MST1R: variants seen among roughly 807,000 people sequenced by gnomAD.
The protein encoded by MST1R is macrophage stimulating 1 receptor.
Under a neutral mutation model 117.8 loss-of-function variants are expected in MST1R, and 99 were observed. That is an observed-to-expected ratio of 0.84 (90% CI 0.71 to 0.99). The LOEUF is 0.99. Among genes scored for constraint, MST1R ranks in the 50% least tolerant of loss-of-function variants. MST1R has a pLI of 0.00. For missense variants in MST1R, 1,683 were observed against 1,840.2 expected (o/e 0.91, Z 1.56); for synonymous variants, 734 against 765.3 (o/e 0.96, Z 0.68).
rs760954798 is a variant in MST1R at position 49,895,169 on chromosome 3, T to C, written c.3269A>G (p.Lys1090Arg). Residue 1090 changes from lysine (K) to arginine (R), a missense_variant and splice_region_variant, in exon 14 of 20, where the codon AAA becomes AGA. Transcript: ENST00000296474. Reference sequence around the variant, plus strand: ...CCAGCCCCACCTGGCCCCCACACCTTTGCCAATGACTCGGTCACTGTGGGT... The same window carrying C: ...CCAGCCCCACCTGGCCCCCACACCTCTGCCAATGACTCGGTCACTGTGGGT... Reference protein sequence around the residue: ...VVTHSDRVIGKGHFGVVYHGE... With the variant: ...VVTHSDRVIGRGHFGVVYHGE... 5.6e-6 allele frequency: 9 copies of C among 1,613,878 alleles called. No individual in the cohort carries two copies. Among genetic ancestry groups the C allele is most frequent in the Non-Finnish European group, 6.8e-6 (8 of 1,179,996 alleles).
At chr3:49,898,833 C>A in intron 3 of MST1R, 34 bp downstream of exon 3, 1 of 1,613,254 alleles carries the variant, frequency 6.2e-7, no homozygotes, top group South Asian at 1.1e-5. Context: ...GATCCCACAA[C>A]CCTGGCCCCA....
chr3:49,891,221 C>T lies in MST1R; in HGVS notation c.3620G>A (p.Arg1207Lys), dbSNP rs1171764730. Residue 1207 changes from arginine (R) to lysine (K), a missense_variant, in exon 17 of 20, where the codon AGG (arginine) becomes AAG (lysine). Transcript: ENST00000296474. ...CATGCAGTTCCGCGCAGCCAGGTCC[C>T]TGTGCACAAACTTCTGCTCTGCCAG... ...EYLAEQKFVH[R>K]DLAARNCMLD... 1 of 1,614,074 alleles carries T rather than the reference C, an allele frequency of 6.2e-7. No homozygotes were observed. The highest frequency in any genetic ancestry group is 1.1e-5 in the South Asian group (1 of 91,082).
At position 49,903,685 on chromosome 3, in the gene MST1R, A is replaced by G; in HGVS notation, c.-76T>C. ...GGGCGTGGGCCTGGCTGGGGGCCCG[A>G]CTCGAGGTCTGGACTGGGCCAAATT... On this transcript the variant is annotated 5_prime_UTR_variant, in exon 1 of 20. Transcript: ENST00000296474. 1 of 1,501,638 alleles carries G rather than the reference A, an allele frequency of 6.7e-7. No homozygotes were observed. The highest frequency in any genetic ancestry group is 1.3e-5 in the South Asian group (1 of 75,190). 93.0% of individuals were successfully genotyped at this position (1,501,638 alleles called of 1,614,324 possible). A position where few individuals can be genotyped will look rare whatever the true frequency, so the allele number is the denominator to read the frequency against.
chr3:49,901,256 C>G (rs754563175), intron 1 of MST1R, among the ~76,000 whole-genome samples: 3 of 152,206 alleles, frequency 2.0e-5, no homozygotes, highest in Non-Finnish European at 4.4e-5. Flanking sequence ...CTCCCATCTC[C>G]GAGGCATCAA....
At chr3:49,895,623 C>T in intron 12 of MST1R, 75 bp from the exon 13 acceptor site, 1 of 1,604,416 alleles carries the variant, frequency 6.2e-7, no homozygotes. Flanking sequence ...GGACTTAGAT[C>T]CCTAAGTCCT....
Position 49,897,894 on chromosome 3 carries a change from A to G in MST1R, c.1880+157T>C. On this transcript the variant is annotated intron_variant, in intron 5 of 19. Transcript: ENST00000296474. ...AGGAAGGGCACATGAAAGCTCAAAA[A>G]GGGACAGAGACCTTTTTGACTCTCA... 6.8e-6 allele frequency: 8 copies of G among 1,172,466 alleles called. No individual in the cohort carries two copies. In the South Asian group the frequency reaches 1.0e-4, roughly 15 times the overall value. The allele number at this position is 1,172,466 out of a possible 1,614,324, so 72.6% of individuals were successfully genotyped here.
intron 17 of MST1R, 132 bp downstream of exon 17, chr3:49,891,048 AGTCCAAGTCTGCACTGG>A (rs2082299899): frequency 2.8e-6 from 2 of 714,882 alleles, no homozygotes; most frequent in Non-Finnish European, 4.6e-6. Context: ...CACAGTGTCC[AGTCCAAGTCTGCACTGG>A]GCAGACAAAA....
Position 49,903,459 on chromosome 3 carries a change from C to G in MST1R, c.151G>C (p.Ala51Pro). ...DVKYVVPSFS[A>P]GGLVQAMVTY... ...ACCATGGCCTGTACCAGGCCTCCGG[C>G]GGAGAAGCTGGGCACCACGTACTTC... The change falls in exon 1 of 20, where the codon GCC becomes CCC. Residue 51 changes from alanine to proline, a missense_variant. Physicochemically the swap from Ala to Pro is conservative, Grantham distance 27 (BLOSUM62 -1). Transcript: ENST00000296474. The G allele has an allele frequency of 6.2e-7, 1 of 1,613,284 alleles. No homozygotes were observed. Among genetic ancestry groups the G allele is most frequent in the Non-Finnish European group, 8.5e-7 (1 of 1,179,994 alleles).
Position 49,887,221 on chromosome 3 carries a change from G to A in MST1R, c.*86C>T. 6.4e-7 allele frequency: 1 copy of A among 1,552,030 alleles called. No homozygotes were observed. Among genetic ancestry groups the A allele is most frequent in the Non-Finnish European group, 8.7e-7 (1 of 1,144,150 alleles). On this transcript the variant is annotated 3_prime_UTR_variant, in exon 20 of 20. Transcript: ENST00000296474. ...AGTTAAAGGGCAGGAACAAGGTGGA[G>A]GGCCACTGCCCTCTGGCCTGGCATG...
At position 49,895,893 on chromosome 3, in the gene MST1R, G is replaced by A. The variant is rs775132506; in HGVS notation, c.2797-13C>T. 2 of 1,587,250 alleles carry A rather than the reference G, an allele frequency of 1.3e-6. No homozygotes were observed. The highest frequency in any genetic ancestry group is 1.7e-5 in the Admixed American group (1 of 57,886). On this transcript the variant is annotated splice_polypyrimidine_tract_variant and intron_variant, in intron 11 of 19. Transcript: ENST00000296474. ...CATCTACGCAGACCTGGGGGCAGGT[G>A]GCAACTCAGGCCCAGCCTGTAGGCC...
In MST1R at chr3:49,896,841, C is replaced by A; in HGVS notation, c.2233G>T (p.Ala745Ser). ...LCATPPGATV[A>S]SVPLSLQVGG... ...ACCTGCAGGCTAAGGGGGACACTGG[C>A]CACCGTGGCCCCAGGGGGTGTGGCA... Residue 745 changes from alanine (A) to serine (S), a missense_variant, in exon 8 of 20, where the codon GCC becomes TCC. Transcript: ENST00000296474. 2 of 1,553,036 alleles carry A rather than the reference C, an allele frequency of 1.3e-6. No homozygotes were observed. Among genetic ancestry groups the A allele is most frequent in the Non-Finnish European group, 1.7e-6 (2 of 1,147,706 alleles).
chr3:49,890,157 A>T (rs1392659197), intron 18 of MST1R, 97 bp from the exon 19 acceptor site: 13 of 1,441,816 alleles, frequency 9.0e-6, no homozygotes, highest in Non-Finnish European at 1.0e-5. Flanking sequence ...TTCAGCTGGA[A>T]ATGGAAGACC....
At position 49,903,625 on chromosome 3, in the gene MST1R, C is replaced by T; in HGVS notation, c.-16G>A. 2 of 1,547,606 alleles carry T rather than the reference C, an allele frequency of 1.3e-6. No individual in the cohort carries two copies. The highest frequency in any genetic ancestry group is 1.7e-4 in the Middle Eastern group (1 of 5,798). ...GGAGCTCCATCGAGGCGAGCTGGGA[C>T]CCTAGAGGATCCCTACCGGCCTGGG... On this transcript the variant is annotated 5_prime_UTR_variant, in exon 1 of 20. Coordinates refer to ENST00000296474, the MANE Select transcript of MST1R (RefSeq NM_002447.4).
At position 49,902,626 on chromosome 3, in the gene MST1R, T is replaced by A. The variant is rs1559484317; in HGVS notation, c.984A>T (p.Pro328=). The A allele has an allele frequency of 1.2e-6, 2 of 1,613,496 alleles. No homozygotes were observed. The highest frequency in any genetic ancestry group is 3.3e-5 in the Admixed American group (2 of 60,032). The change falls in exon 1 of 20, where the codon CCA becomes CCT. Residue 328 remains proline, a synonymous_variant. Coordinates refer to ENST00000296474, the MANE Select transcript of MST1R (RefSeq NM_002447.4). ...YPVLRVAHSA[P]VGAQLATELS... ...GCTCAGTGGCAAGTTGGGCACCCACTGGAGCGGAGTGGGCCACCCGCAGCA... is the reference window on the plus strand; with the variant it reads ...GCTCAGTGGCAAGTTGGGCACCCACAGGAGCGGAGTGGGCCACCCGCAGCA...
chr3:49,903,195 G>A lies in MST1R; in HGVS notation c.415C>T (p.Leu139=), dbSNP rs1490969481. The change falls in exon 1 of 20, where the codon CTG becomes TTG. Residue 139 remains leucine, a synonymous_variant. Transcript: ENST00000296474. ...LPALVSCGSS[L]QGRCFLHDLE... Reference sequence around the variant, plus strand: ...TCATGCAGGAAGCAGCGGCCCTGCAGGCTGGAGCCACAACTGACCAGCGCA... The same window carrying A: ...TCATGCAGGAAGCAGCGGCCCTGCAAGCTGGAGCCACAACTGACCAGCGCA... 1 of 1,605,912 alleles carries A rather than the reference G, an allele frequency of 6.2e-7. No individual in the cohort carries two copies. Among genetic ancestry groups the A allele is most frequent in the South Asian group, 1.1e-5 (1 of 91,084 alleles).
In MST1R at chr3:49,902,540, C is replaced by T. The variant is rs781540107; in HGVS notation, c.1070G>A (p.Gly357Asp). Residue 357 changes from glycine (G) to aspartate (D), a missense_variant, in exon 1 of 20, where the codon GGT becomes GAT. Transcript: ENST00000296474. ...GACAGAGTTGGGGCCCACGCCAGGA[C>T]CACCATCCTTGCCAGTCACAAAGAC... Reference protein sequence around the residue: ...FGVFVTGKDGGPGVGPNSVVC... With the variant: ...FGVFVTGKDGDPGVGPNSVVC... 3 of 1,614,074 alleles carry T rather than the reference C, an allele frequency of 1.9e-6. No individual in the cohort carries two copies. The South Asian group carries it at 3.3e-5, about 18-fold the overall frequency.
rs1378426487 is a variant in MST1R, at chr3:49,898,803, G to T, written c.1548+64C>A. 1.9e-6 allele frequency: 3 copies of T among 1,609,698 alleles called. No individual in the cohort carries two copies. The African/African-American group carries it at 4.0e-5, about 22-fold the overall frequency. On this transcript the variant is annotated intron_variant, in intron 3 of 19. Coordinates refer to ENST00000296474, the MANE Select transcript of MST1R (RefSeq NM_002447.4). ...AGGGCCTGTATGTCAATGCCTCCCT[G>T]GATTGGATGGAGAGTCTGTGATCCC... is the stretch of plus-strand genomic sequence containing the variant.
chr3:49,896,521 C>G lies in MST1R; in HGVS notation c.2439+19G>C, dbSNP rs767419201. On this transcript the variant is annotated intron_variant, in intron 9 of 19. Coordinates refer to ENST00000296474, the MANE Select transcript of MST1R (RefSeq NM_002447.4). Reference sequence around the variant, plus strand: ...GGAACTCATCCAGCCTTCCTCCCTCCTGGCCAGCACTCACTCACCCTGCTT... The same window carrying G: ...GGAACTCATCCAGCCTTCCTCCCTCGTGGCCAGCACTCACTCACCCTGCTT... 18 of 1,613,538 alleles carry G rather than the reference C, an allele frequency of 1.1e-5. No individual in the cohort carries two copies. In the East Asian group the frequency reaches 3.6e-4, roughly 32 times the overall value.
intron 17 of MST1R, 139 bp from the exon 18 acceptor site, chr3:49,890,789 G>A (rs941162234): frequency 3.0e-5 from 24 of 796,274 alleles, no homozygotes; most frequent in East Asian, 5.6e-5. Flanking sequence ...GCAGTGGCGC[G>A]ATCTCCGCTC....
Sources: gnomAD v4.1 joint callset for allele counts (sites outside exome capture counted in the v4.1 genomes callset) on GRCh38, gnomAD v4.1.1 for gene constraint, MANE v1.5 for transcripts, NCBI Gene and HGNC (gene_info 2026-07-23, HGNC 2026-07-21) for gene names.